Variants in ONECUT2 observed in about 807,000 individuals in gnomAD.
ONECUT2 encodes one cut domain family member 2.
Under a neutral mutation model 27.9 loss-of-function variants are expected in ONECUT2, and 10 were observed. The ratio of observed to expected loss-of-function variants is 0.36; its 90% CI spans 0.22 to 0.61. The LOEUF (loss-of-function observed/expected upper bound fraction) is 0.61. Among genes scored for constraint, ONECUT2 ranks in the 20% least tolerant of loss-of-function variants. The pLI is 0.73. For synonymous variants in ONECUT2, 334 were observed against 315.1 expected, an observed-to-expected ratio of 1.06 and a Z score of -0.64; for missense variants, 686 against 721.0, an observed-to-expected ratio of 0.95 and a Z score of 0.56.
At chr18:57,469,193 C>G (rs1374372000) in intron 1 of ONECUT2, among the ~76,000 whole-genome samples, 2 of 152,196 alleles carry the variant, frequency 1.3e-5, no homozygotes, top group Non-Finnish European at 2.9e-5. Flanking sequence ...TGGAAAGGGT[C>G]ACGCTCCCCA....
chr18:57,476,278 C>A (rs1234650267), intron 1 of ONECUT2, among the ~76,000 whole-genome samples, 159 bp from the exon 2 acceptor site: 1 of 152,244 alleles, frequency 6.6e-6, no homozygotes, highest in African/African-American at 2.4e-5. Flanking sequence ...CCTTCCATCA[C>A]CCGGAGATTA....
rs1290705804 is a variant in ONECUT2, at chr18:57,481,353, C to T, written c.*4630C>T. 1 of 152,178 alleles carries T rather than the reference C, an allele frequency of 6.6e-6. No individual in the cohort carries two copies. The highest frequency in any genetic ancestry group is 1.5e-5 in the Non-Finnish European group (1 of 68,038). 9.4% of individuals were successfully genotyped at this position (152,178 alleles called of 1,614,324 possible). A position where few individuals can be genotyped will look rare whatever the true frequency, so the allele number is the denominator to read the frequency against. ...AAGCTCCCTTTTCCCCCTGCAGGCT[C>T]TTGGCAATTGTAGGCTTTAGCAAAT... On this transcript the variant is annotated 3_prime_UTR_variant, in exon 2 of 2. Transcript: ENST00000491143.
rs145840296 is a variant in ONECUT2, at chr18:57,490,919, C to T, written c.*14196C>T. ...CCCACACACAAATGCACACTATTAC[C>T]GTCTTTCACCCTGCGCTATATTTCC... On this transcript the variant is annotated 3_prime_UTR_variant, in exon 2 of 2. Coordinates refer to ENST00000491143, the MANE Select transcript of ONECUT2 (RefSeq NM_004852.3). 4.6e-5 allele frequency: 7 copies of T among 152,722 alleles called. No homozygotes were observed. Among genetic ancestry groups the T allele is most frequent in the African/African-American group, 1.2e-4 (5 of 41,562 alleles). 9.5% of individuals were successfully genotyped at this position (152,722 alleles called of 1,614,324 possible).
Position 57,480,623 on chromosome 18 carries a change from A to G in ONECUT2, c.*3900A>G, listed in dbSNP as rs1380899158. 1 of 152,052 alleles carries G rather than the reference A, an allele frequency of 6.6e-6. No individual in the cohort carries two copies. The highest frequency in any genetic ancestry group is 1.5e-5 in the Non-Finnish European group (1 of 68,016). The allele number at this position is 152,052 out of a possible 1,614,324, so 9.4% of individuals were successfully genotyped here. On this transcript the variant is annotated 3_prime_UTR_variant, in exon 2 of 2. Transcript: ENST00000491143. Reference sequence around the variant, plus strand: ...ATTTCTCTCCAAGGAGCTTTAATAAATGTCTCATTCCAGATAATGTCATAC... The same window carrying G: ...ATTTCTCTCCAAGGAGCTTTAATAAGTGTCTCATTCCAGATAATGTCATAC...
chr18:57,475,051 A>G (rs1246685382), intron 1 of ONECUT2, among the ~76,000 whole-genome samples: 1 of 114,168 alleles, frequency 8.8e-6, no homozygotes, highest in Non-Finnish European at 1.7e-5. Context: ...GACTTATTTC[A>G]AGTGATTTTT....
At chr18:57,441,646 G>C (rs1317406058) in intron 1 of ONECUT2, among the ~76,000 whole-genome samples, 1 of 152,258 alleles carries the variant, frequency 6.6e-6, no homozygotes, top group East Asian at 1.9e-4. Context: ...TCCTGTGCTT[G>C]GCCGTTGCCA....
At position 57,449,621 on chromosome 18, in the gene ONECUT2, C is replaced by A. The variant is rs141158701; in HGVS notation, c.1228+12677C>A. 4.1e-4 allele frequency among the ~76,000 whole-genome samples: 62 copies of A among 152,268 alleles called. No individual in the cohort carries two copies. The East Asian group carries it at 0.011, about 26-fold the overall frequency. On this transcript the variant is annotated intron_variant, in intron 1 of 1. Coordinates refer to ENST00000491143, the MANE Select transcript of ONECUT2 (RefSeq NM_004852.3). ...CATCACTAGACTCTAGACTAAGGAC[C>A]CATTTTGCCAATTGGCTCTAGTTAC...
rs2050398840 is a variant in ONECUT2 at position 57,478,626 on chromosome 18, C to G, written c.*1903C>G. The G allele has an allele frequency of 6.6e-6, 1 of 152,608 alleles. No homozygotes were observed. The highest frequency in any genetic ancestry group is 1.5e-5 in the Non-Finnish European group (1 of 68,028). The allele number at this position is 152,608 out of a possible 1,614,324, so 9.5% of individuals were successfully genotyped here. On this transcript the variant is annotated 3_prime_UTR_variant, in exon 2 of 2. Transcript: ENST00000491143. ...AGACAAAGATAGAAATAAGGAAGAG[C>G]CTCAGTGGCTGCTGCTTCATTTGAC...
chr18:57,472,716 A>T (rs12970530), intron 1 of ONECUT2, among the ~76,000 whole-genome samples: 10,653 of 152,122 alleles, frequency 0.07, 823 homozygotes, highest in East Asian at 0.36. Context: ...ATATATATAT[A>T]ATTTTAAATA....
intron 1 of ONECUT2, among the ~76,000 whole-genome samples, chr18:57,470,889 C>T (rs1421430313): frequency 6.6e-6 from 1 of 152,152 alleles, no homozygotes; most frequent in Non-Finnish European, 1.5e-5. Flanking sequence ...CACAAAGGCC[C>T]TGGCTTCCAA....
chr18:57,437,762 C>T (rs1415142304), intron 1 of ONECUT2, among the ~76,000 whole-genome samples: 3 of 152,248 alleles, frequency 2.0e-5, no homozygotes, highest in African/African-American at 7.2e-5. Context: ...GTCCTTGCCC[C>T]GGTCCCAGCG....
In ONECUT2 at chr18:57,466,148, T is replaced by C. The variant is rs79769490; in HGVS notation, c.1229-10289T>C. On this transcript the variant is annotated intron_variant, in intron 1 of 1. Transcript: ENST00000491143. Reference sequence around the variant, plus strand: ...GTTTTCTGAGAGTTGCAGTTCTTAATTGGCAGGTGGAAGGGAGTGGGGAGT... The same window carrying C: ...GTTTTCTGAGAGTTGCAGTTCTTAACTGGCAGGTGGAAGGGAGTGGGGAGT... Among the ~76,000 whole-genome samples the C allele has an allele frequency of 8.0e-3, 1,225 of 152,280 alleles. 16 individuals carry two copies. Among genetic ancestry groups the C allele is most frequent in the African/African-American group, 0.027 (1,115 of 41,544 alleles).
chr18:57,455,493 T>G (rs7232722), intron 1 of ONECUT2, among the ~76,000 whole-genome samples: 117,624 of 152,086 alleles, frequency 0.77, 46,753 homozygotes, highest in Non-Finnish European at 0.89. Context: ...CATGAAAAAT[T>G]ATAACACTAA....
chr18:57,474,628 T>C (rs2050371840), intron 1 of ONECUT2, among the ~76,000 whole-genome samples: 1 of 152,142 alleles, frequency 6.6e-6, no homozygotes, highest in African/African-American at 2.4e-5. Flanking sequence ...GCTCCAACTT[T>C]ATGGCCCAAT....
chr18:57,483,123 A>T lies in ONECUT2; in HGVS notation c.*6400A>T, dbSNP rs2050423591. 6.7e-6 allele frequency: 1 copy of T among 149,976 alleles called. No individual in the cohort carries two copies. The highest frequency in any genetic ancestry group is 2.5e-5 in the African/African-American group (1 of 39,586). The allele number at this position is 149,976 out of a possible 1,614,324, so 9.3% of individuals were successfully genotyped here. On this transcript the variant is annotated 3_prime_UTR_variant, in exon 2 of 2. Coordinates refer to ENST00000491143, the MANE Select transcript of ONECUT2 (RefSeq NM_004852.3). The stretch of plus-strand genomic sequence containing the variant: ...AAGACCTGAAAAAGGACAAAAAGAA[A>T]AAAAAAAAAAGAAAAAACAAAGAAA...
At chr18:57,453,046 T>C (rs973913499) in intron 1 of ONECUT2, among the ~76,000 whole-genome samples, 14 of 152,226 alleles carry the variant, frequency 9.2e-5, no homozygotes, top group Non-Finnish European at 2.1e-4. Context: ...TCATAAGCAG[T>C]GTTAAAAAAT....
intron 1 of ONECUT2, among the ~76,000 whole-genome samples, chr18:57,438,384 G>C (rs996334263): frequency 1.3e-5 from 2 of 152,242 alleles, no homozygotes; most frequent in Admixed American, 6.5e-5. Flanking sequence ...TGCATAGCGC[G>C]GGTCTTGGGA....
At chr18:57,444,106 C>A (rs1005081643) in intron 1 of ONECUT2, among the ~76,000 whole-genome samples, 9 of 152,146 alleles carry the variant, frequency 5.9e-5, no homozygotes, top group Admixed American at 3.9e-4. Context: ...GGAAAAGAAC[C>A]CGCAGTGTTA....
rs147420026 is a variant in ONECUT2, at chr18:57,479,342, A to G, written c.*2619A>G. On this transcript the variant is annotated 3_prime_UTR_variant, in exon 2 of 2. Coordinates refer to ENST00000491143, the MANE Select transcript of ONECUT2 (RefSeq NM_004852.3). ...AAGTTGCATTTCTAAAGAAAGATAT[A>G]TATAATATATAAAATACATATATAG... The G allele has an allele frequency of 2.2e-4, 34 of 152,702 alleles. No homozygotes were observed. The highest frequency in any genetic ancestry group is 7.9e-4 in the African/African-American group (33 of 41,580). 9.5% of individuals were successfully genotyped at this position (152,702 alleles called of 1,614,324 possible). A position where few individuals can be genotyped will look rare whatever the true frequency, so the allele number is the denominator to read the frequency against.
Sources: allele counts gnomAD v4.1 joint callset (sites outside exome capture counted in the v4.1 genomes callset), GRCh38; gene constraint gnomAD v4.1.1; transcripts MANE v1.5; gene names NCBI Gene and HGNC (gene_info 2026-07-23, HGNC 2026-07-21).